BMP3: variants seen among roughly 807,000 people sequenced by gnomAD.
BMP3 encodes the protein bone morphogenetic protein 3, also known as bone morphogenetic protein 3 (osteogenic).
Under a neutral mutation model 38.1 loss-of-function variants are expected in BMP3, and 23 were observed. The observed-to-expected ratio is 0.60, with a 90% CI of 0.43 to 0.86. BMP3 has a LOEUF of 0.86. BMP3 is among the 40% of genes least tolerant of loss of function. The pLI is 0.00. For synonymous variants in BMP3, 258 were observed against 225.7 expected (o/e 1.14, Z -1.28); for missense variants, 628 against 579.6 (o/e 1.08, Z -0.86).
rs182415502 is a variant in BMP3 at position 81,041,838 on chromosome 4, C to T, written c.317-3900C>T. Among the ~76,000 whole-genome samples the T allele has an allele frequency of 1.1e-4, 16 of 152,292 alleles. No homozygotes were observed. In the East Asian group the frequency reaches 3.1e-3, roughly 29 times the overall value. On this transcript the variant is annotated intron_variant, in intron 1 of 2. Transcript: ENST00000282701. ...AAAAGTCTGGTCCAAAGATTACTTC[C>T]TACCTGTGTGTTTCTTTGCCTCTAC...
intron 1 of BMP3, among the ~76,000 whole-genome samples, chr4:81,033,187 T>TA (rs1739823882): frequency 1.3e-5 from 2 of 152,328 alleles, no homozygotes; most frequent in African/African-American, 2.4e-5. Context: ...GCCCCTAAGA[T>TA]AAAAAACAAT....
intron 1 of BMP3, among the ~76,000 whole-genome samples, chr4:81,042,272 G>A (rs894422536): frequency 5.9e-5 from 9 of 152,090 alleles, no homozygotes; most frequent in Non-Finnish European, 1.3e-4. Context: ...AATGTAAGTG[G>A]CTACATACTA....
rs142113508 is a variant in BMP3 at position 81,053,454 on chromosome 4, G to A, written c.1337G>A (p.Ser446Asn). 48 of 1,610,510 alleles carry A rather than the reference G, an allele frequency of 3.0e-5. No individual in the cohort carries two copies. In the African/African-American group the frequency reaches 5.7e-4, roughly 19 times the overall value. ...GTACCAGAAAAGATGTCCTCACTCAGTATTTTATTCTTTGATGAAAATAAG... is the reference window on the plus strand; with the variant it reads ...GTACCAGAAAAGATGTCCTCACTCAATATTTTATTCTTTGATGAAAATAAG... The part of the protein sequence containing the change: ...CCVPEKMSSL[S>N]ILFFDENKNV... The change falls in exon 3 of 3, where the codon AGT (serine) becomes AAT (asparagine). Residue 446 changes from serine to asparagine, a missense_variant. Coordinates refer to ENST00000282701, the MANE Select transcript of BMP3 (RefSeq NM_001201.5).
rs528695908 is a variant in BMP3, at chr4:81,033,907, C to A, written c.316+2307C>A. ...TTTAGAACATATGGGTTTCTCTGTACTGAAGACGTTAGAAATTTTAATGGA... is the reference window on the plus strand; with the variant it reads ...TTTAGAACATATGGGTTTCTCTGTAATGAAGACGTTAGAAATTTTAATGGA... On this transcript the variant is annotated intron_variant, in intron 1 of 2. Coordinates refer to ENST00000282701, the MANE Select transcript of BMP3 (RefSeq NM_001201.5). Among the ~76,000 whole-genome samples, 7 of 152,288 alleles carry A rather than the reference C, an allele frequency of 4.6e-5. No homozygotes were observed. The East Asian group carries it at 1.4e-3, about 29-fold the overall frequency.
chr4:81,053,317 T>C, intron 2 of BMP3, 28 bp from the exon 3 acceptor site: 2 of 1,500,526 alleles, frequency 1.3e-6, no homozygotes, highest in Non-Finnish European at 1.8e-6. Flanking sequence ...ACCTAACATA[T>C]GTGTTCTTCT....
At chr4:81,037,172 C>A (rs1335177625) in intron 1 of BMP3, among the ~76,000 whole-genome samples, 2 of 151,936 alleles carry the variant, frequency 1.3e-5, no homozygotes, top group African/African-American at 4.8e-5. Context: ...TAATTACATT[C>A]AATAAATTTA....
Position 81,031,154 on chromosome 4 carries a change from C to G in BMP3, c.-131C>G, listed in dbSNP as rs1371654013. On this transcript the variant is annotated 5_prime_UTR_variant, in exon 1 of 3. Coordinates refer to ENST00000282701, the MANE Select transcript of BMP3 (RefSeq NM_001201.5). The stretch of plus-strand genomic sequence containing the variant: ...GCCGCTATCTCGCTGCACCCGGCCG[C>G]GTCCCGGGCTCCGTGCGCCCTCGCC... 1.0e-6 allele frequency: 1 copy of G among 986,446 alleles called. No individual in the cohort carries two copies. The allele number at this position is 986,446 out of a possible 1,614,324, so 61.1% of individuals were successfully genotyped here.
At chr4:81,047,372 AAGT>A (rs1740279779) in intron 2 of BMP3, among the ~76,000 whole-genome samples, 1 of 152,148 alleles carries the variant, frequency 6.6e-6, no homozygotes, top group African/African-American at 2.4e-5. Context: ...ATATTTGCAG[AAGT>A]CTCTCCAACC....
chr4:81,057,597 A>G lies in BMP3; in HGVS notation c.*4061A>G, dbSNP rs1258277276. ...CATTTTCAAGTGTGCTGCATTTAAA[A>G]GAGGTAATAAAGCTTAAGCATAGAG... On this transcript the variant is annotated 3_prime_UTR_variant, in exon 3 of 3. Coordinates refer to ENST00000282701, the MANE Select transcript of BMP3 (RefSeq NM_001201.5). 1 of 152,180 alleles carries G rather than the reference A, an allele frequency of 6.6e-6. No individual in the cohort carries two copies. The highest frequency in any genetic ancestry group is 1.5e-5 in the Non-Finnish European group (1 of 67,996). The allele number at this position is 152,180 out of a possible 1,614,324, so 9.4% of individuals were successfully genotyped here. A position where few individuals can be genotyped will look rare whatever the true frequency, so the allele number is the denominator to read the frequency against.
chr4:81,033,933 A>C (rs1374731820), intron 1 of BMP3, among the ~76,000 whole-genome samples: 7 of 152,204 alleles, frequency 4.6e-5, no homozygotes, highest in Non-Finnish European at 1.5e-5. Flanking sequence ...TTTTAATGGA[A>C]GATCAGGTGG....
At chr4:81,034,629 C>T (rs997698724) in intron 1 of BMP3, among the ~76,000 whole-genome samples, 4 of 152,058 alleles carry the variant, frequency 2.6e-5, no homozygotes, top group African/African-American at 9.7e-5. Context: ...CATGCACCCA[C>T]CAAAATAGCA....
At chr4:81,049,099 A>G (rs938558748) in intron 2 of BMP3, among the ~76,000 whole-genome samples, 1 of 152,196 alleles carries the variant, frequency 6.6e-6, no homozygotes, top group African/African-American at 2.4e-5. Context: ...TATAACAAAA[A>G]CAGTGGAAAA....
At chr4:81,035,676 ATTATTT>A (rs1415080911) in intron 1 of BMP3, among the ~76,000 whole-genome samples, 1 of 152,060 alleles carries the variant, frequency 6.6e-6, no homozygotes, top group East Asian at 1.9e-4. Flanking sequence ...CTCAAAACCT[ATTATTT>A]TTAATAGCCA....
chr4:81,037,807 T>C (rs1739961253), intron 1 of BMP3, among the ~76,000 whole-genome samples: 1 of 151,940 alleles, frequency 6.6e-6, no homozygotes, highest in South Asian at 2.1e-4. Flanking sequence ...GGCTGAGGGG[T>C]GTAGGGTTAT....
In BMP3 at chr4:81,031,030, G is replaced by GACGGCGCCC. The variant is rs1739735617; in HGVS notation, c.-254_-246dup. On this transcript the variant is annotated 5_prime_UTR_variant, in exon 1 of 3. Transcript: ENST00000282701. ...AGCTCTTTCTCAGCGTTGGAGTGGA[G>GACGGCGCCC]ACGGCGCCCGCAGCGCCCTGCGCGG... 2.0e-5 allele frequency: 10 copies of GACGGCGCCC among 500,960 alleles called. No homozygotes were observed. The South Asian group carries it at 2.9e-4, about 14-fold the overall frequency. 31.0% of individuals were successfully genotyped at this position (500,960 alleles called of 1,614,324 possible). A position where few individuals can be genotyped will look rare whatever the true frequency, so the allele number is the denominator to read the frequency against.
chr4:81,046,527 A>G lies in BMP3; in HGVS notation c.1106A>G (p.Asn369Ser). Residue 369 changes from asparagine (N) to serine (S), a missense_variant, in exon 2 of 3, where the codon AAT becomes AGT. Transcript: ENST00000282701. ...ARRKQWIEPR[N>S]CARRYLKVDF... ...AGAAAGCAGTGGATTGAACCTCGGA[A>G]TTGCGCCAGGAGATACCTCAAGGTA... 5 of 1,614,138 alleles carry G rather than the reference A, an allele frequency of 3.1e-6. No individual in the cohort carries two copies. The highest frequency in any genetic ancestry group is 4.2e-6 in the Non-Finnish European group (5 of 1,180,004).
chr4:81,041,479 G>C (rs1030455692), intron 1 of BMP3, among the ~76,000 whole-genome samples: 1 of 152,104 alleles, frequency 6.6e-6, no homozygotes, highest in Non-Finnish European at 1.5e-5. Flanking sequence ...TTAAACCCAG[G>C]AGGGAGAGGA....
Position 81,046,052 on chromosome 4 carries a change from G to T in BMP3, c.631G>T (p.Glu211Ter), listed in dbSNP as rs1457961555. 6.2e-7 allele frequency: 1 copy of T among 1,614,152 alleles called. No individual in the cohort carries two copies. Among genetic ancestry groups the T allele is most frequent in the African/African-American group, 1.3e-5 (1 of 75,040 alleles). ...CACTCAACTCTTGAGGAAGGCCAAA[G>T]AAAATGAAGAGTTCCTCATAGGATT... ...DITQLLRKAK[E>*]NEEFLIGFNI... Residue 211 changes from glutamate to a stop codon, truncating the protein, a stop_gained, in exon 2 of 3, where the codon GAA becomes TAA. Transcript: ENST00000282701. LOFTEE classifies it high-confidence loss of function.
chr4:81,036,011 G>C (rs1739913888), intron 1 of BMP3, among the ~76,000 whole-genome samples: 1 of 151,860 alleles, frequency 6.6e-6, no homozygotes, highest in South Asian at 2.1e-4. Flanking sequence ...TTTTGGACTT[G>C]GGTTCAATTG....
Sources: allele counts gnomAD v4.1 joint callset (sites outside exome capture counted in the v4.1 genomes callset), GRCh38; gene constraint gnomAD v4.1.1; transcripts MANE v1.5; gene names NCBI Gene and HGNC (gene_info 2026-07-23, HGNC 2026-07-21).